PLEKHA6: variants seen among roughly 807,000 people sequenced by gnomAD.
The protein encoded by PLEKHA6 is pleckstrin homology domain containing A6, also known as pleckstrin homology domain-containing family A member 6.
A neutral mutation model predicts 116.7 loss-of-function variants in PLEKHA6; 60 were observed. The observed-to-expected ratio is 0.51, with a 90% CI of 0.42 to 0.64. The LOEUF is 0.64. Among genes scored for constraint, PLEKHA6 ranks in the 30% least tolerant of loss-of-function variants. The pLI, the probability that PLEKHA6 is intolerant of heterozygous loss-of-function variation, is 0.00. For missense variants in PLEKHA6, 1,338 were observed against 1,422.7 expected (o/e 0.94, Z 0.96); for synonymous variants, 489 against 556.1 (o/e 0.88, Z 1.70).
At chr1:204,348,978 A>T (rs1369867614) in intron 1 of PLEKHA6, among the ~76,000 whole-genome samples, 1 of 152,172 alleles carries the variant, frequency 6.6e-6, no homozygotes, top group East Asian at 1.9e-4. Context: ...GCTTGTCGGG[A>T]GGGGTTAGCT....
At chr1:204,327,915 C>T (rs1672298936) in intron 1 of PLEKHA6, among the ~76,000 whole-genome samples, 1 of 152,250 alleles carries the variant, frequency 6.6e-6, no homozygotes, top group South Asian at 2.1e-4. Flanking sequence ...CTCTGACTCA[C>T]TGTGTTTCTG....
At chr1:204,326,304 C>T (rs1672241747) in intron 1 of PLEKHA6, among the ~76,000 whole-genome samples, 2 of 152,252 alleles carry the variant, frequency 1.3e-5, no homozygotes, top group South Asian at 4.1e-4. Flanking sequence ...GCTTCTCCCT[C>T]CTGCCTGTGC....
chr1:204,373,843 C>T (rs1332257756), intron 1 of PLEKHA6, among the ~76,000 whole-genome samples: 2 of 152,176 alleles, frequency 1.3e-5, no homozygotes, highest in East Asian at 3.8e-4. Context: ...GTTCTAGTGA[C>T]TTCTGAGCTC....
At chr1:204,249,053 G>T in intron 11 of PLEKHA6, 83 bp from the exon 12 acceptor site, 2 of 1,526,132 alleles carry the variant, frequency 1.3e-6, no homozygotes, top group Non-Finnish European at 9.0e-7. Context: ...GCCCTTAGAG[G>T]TTCAACAGGC....
At chr1:204,244,306 ATTTT>A (rs5780220) in intron 15 of PLEKHA6, among the ~76,000 whole-genome samples, 1 of 141,308 alleles carries the variant, frequency 7.1e-6, no homozygotes, top group African/African-American at 2.6e-5. Context: ...TAATTTTTGT[ATTTT>A]TTTTTTTTTT....
At chr1:204,311,432 G>A (rs1671655065) in intron 1 of PLEKHA6, 1 of 166,176 alleles carries the variant, frequency 6.0e-6, no homozygotes, top group Admixed American at 6.5e-5. Flanking sequence ...CAGAGGTTGT[G>A]GGGAGCCGAG....
chr1:204,225,889 G>A (rs747511696), intron 21 of PLEKHA6, among the ~76,000 whole-genome samples: 5 of 152,056 alleles, frequency 3.3e-5, no homozygotes, highest in Admixed American at 1.3e-4. Context: ...CAAGACATTC[G>A]CGCCACACGT....
At chr1:204,264,429 G>A (rs961884945) in intron 6 of PLEKHA6, among the ~76,000 whole-genome samples, 6 of 152,180 alleles carry the variant, frequency 3.9e-5, no homozygotes, top group Non-Finnish European at 5.9e-5. Context: ...CTTGTGGAAT[G>A]AAACTCAACT....
In PLEKHA6 at chr1:204,229,068, A is replaced by G. The variant is rs763530300; in HGVS notation, c.2620T>C (p.Ser874Pro). 1.2e-6 allele frequency: 2 copies of G among 1,613,846 alleles called. No individual in the cohort carries two copies. The highest frequency in any genetic ancestry group is 3.3e-5 in the Admixed American group (2 of 60,020). ...RHRSIHEVDI[S>P]NLEAALRAEE... ...GCCCGCAGGGCTGCCTCCAGGTTGGAGATGTCTACCTCATGGATGCTGCGG... is the reference window on the plus strand; with the variant it reads ...GCCCGCAGGGCTGCCTCCAGGTTGGGGATGTCTACCTCATGGATGCTGCGG... Residue 874 changes from serine (S) to proline (P), a missense_variant, in exon 19 of 23, where the codon TCC becomes CCC. Transcript: ENST00000272203.
At chr1:204,321,985 A>G (rs1426463669) in intron 1 of PLEKHA6, among the ~76,000 whole-genome samples, 2 of 152,256 alleles carry the variant, frequency 1.3e-5, no homozygotes, top group African/African-American at 2.4e-5. Context: ...AGACTAAAAA[A>G]TATTGAGAAG....
chr1:204,376,608 T>G (rs2942146), intron 1 of PLEKHA6, among the ~76,000 whole-genome samples: 1 of 152,242 alleles, frequency 6.6e-6, no homozygotes, highest in Non-Finnish European at 1.5e-5. Context: ...GTTTGGTACC[T>G]GGGGAAGCAG....
At position 204,366,944 on chromosome 1, in the gene PLEKHA6, C is replaced by A. The variant is rs75169302; in HGVS notation, c.218+855G>T. ...GAGACAAGGGTCCTCCCTGCCCTGG[C>A]TAGACTGGGGCTCCCTCTGGTGGTG... On this transcript the variant is annotated intron_variant, in intron 3 of 4. Coordinates refer to the PLEKHA6 transcript ENST00000564627. Among the ~76,000 whole-genome samples the A allele has an allele frequency of 7.8e-3, 1,183 of 152,312 alleles. 15 individuals carry two copies. Among genetic ancestry groups the A allele is most frequent in the African/African-American group, 0.027 (1,141 of 41,564 alleles).
At chr1:204,298,409 A>G (rs1256380802) in intron 1 of PLEKHA6, among the ~76,000 whole-genome samples, 1 of 152,200 alleles carries the variant, frequency 6.6e-6, no homozygotes, top group African/African-American at 2.4e-5. Context: ...ACTTTACTAA[A>G]AGGGTAGAGT....
chr1:204,365,181 C>T (rs1231365948), intron 3 of PLEKHA6, among the ~76,000 whole-genome samples: 1 of 152,188 alleles, frequency 6.6e-6, no homozygotes, highest in Admixed American at 6.5e-5. Flanking sequence ...GGGGCGGGAG[C>T]GAGACTATGA....
At chr1:204,340,120 A>G (rs987733447) in intron 1 of PLEKHA6, among the ~76,000 whole-genome samples, 59 of 152,212 alleles carry the variant, frequency 3.9e-4, no homozygotes, top group African/African-American at 1.1e-3. Context: ...GGAAGGAGAC[A>G]ATATTTTGGA....
At chr1:204,346,665 C>T (rs1673065425) in intron 1 of PLEKHA6, 1 of 677,512 alleles carries the variant, frequency 1.5e-6, no homozygotes, top group Non-Finnish European at 2.7e-6. Flanking sequence ...GGTAAGTGAC[C>T]CATCACCTCA....
At position 204,228,624 on chromosome 1, in the gene PLEKHA6, G is replaced by GCT. The variant is rs2102413133; in HGVS notation, c.2885+102_2885+103dup. 1 of 1,040,708 alleles carries GCT rather than the reference G, an allele frequency of 9.6e-7. No individual in the cohort carries two copies. The highest frequency in any genetic ancestry group is 1.5e-6 in the Non-Finnish European group (1 of 676,910). 64.5% of individuals were successfully genotyped at this position (1,040,708 alleles called of 1,614,324 possible). On this transcript the variant is annotated intron_variant, in intron 20 of 22. Coordinates refer to ENST00000272203, the MANE Select transcript of PLEKHA6 (RefSeq NM_014935.5). This position sits in a 1 kb window ranked among gnomAD's most constrained non-coding sequence, Gnocchi z 4.0. ...CTGCCTGGAGTCACCACCTCGATGT[G>GCT]CTCTCCCCTGGGGAGGCTCTGTGCC...
chr1:204,317,026 C>T (rs532211539), intron 1 of PLEKHA6: 1 of 153,582 alleles, frequency 6.5e-6, no homozygotes, highest in African/African-American at 2.4e-5. Context: ...TCTGGAGGTA[C>T]CTTCCAGTCT....
rs1158379564 is a variant in PLEKHA6, at chr1:204,238,083, A to G, written c.2409+3292T>C. Among the ~76,000 whole-genome samples the G allele has an allele frequency of 1.3e-5, 2 of 152,168 alleles. No homozygotes were observed. The highest frequency in any genetic ancestry group is 2.4e-5 in the African/African-American group (1 of 41,442). The stretch of plus-strand genomic sequence containing the variant: ...GAAAGAGGCACAGTCTAGTAGGCCT[A>G]TTTGGAATTTGGAAGCAACATATTC... On this transcript the variant is annotated intron_variant, in intron 17 of 22. Coordinates refer to ENST00000272203, the MANE Select transcript of PLEKHA6 (RefSeq NM_014935.5). This position sits in a 1 kb window ranked among gnomAD's most constrained non-coding sequence, Gnocchi z 4.2.
Sources: allele counts gnomAD v4.1 joint callset (sites outside exome capture counted in the v4.1 genomes callset), GRCh38; gene constraint gnomAD v4.1.1; non-coding constraint Gnocchi (gnomAD v3.1); transcripts MANE v1.5; gene names NCBI Gene and HGNC (gene_info 2026-07-23, HGNC 2026-07-21).